SLC24A3: variants seen among roughly 807,000 people sequenced by gnomAD.
SLC24A3 encodes the protein solute carrier family 24 member 3, also known as sodium/potassium/calcium exchanger 3.
SLC24A3 carries 28 observed loss-of-function variants against 75.8 expected under a neutral mutation model. That is an observed-to-expected ratio of 0.37 (90% CI 0.27 to 0.51). The LOEUF (loss-of-function observed/expected upper bound fraction) is 0.51, where lower values mean the gene tolerates loss of function less well. Among genes scored for constraint, SLC24A3 ranks in the 20% least tolerant of loss-of-function variants. The pLI is 0.94. For synonymous variants in SLC24A3, 372 were observed against 334.1 expected (o/e 1.11, Z -1.24); for missense variants, 663 against 847.8 (o/e 0.78, Z 2.71).
At chr20:19,400,390 G>T (rs889654348) in intron 2 of SLC24A3, among the ~76,000 whole-genome samples, 1 of 152,138 alleles carries the variant, frequency 6.6e-6, no homozygotes, top group Non-Finnish European at 1.5e-5. Context: ...CACTTCTGAG[G>T]CAAGACCTTC....
At chr20:19,294,519 G>A (rs961843738) in intron 2 of SLC24A3, among the ~76,000 whole-genome samples, 3 of 152,112 alleles carry the variant, frequency 2.0e-5, no homozygotes, top group Non-Finnish European at 4.4e-5. Context: ...ACTTACATGT[G>A]GGAACATGCA....
At chr20:19,242,495 T>C (rs1982359100) in intron 1 of SLC24A3, 1 of 152,214 alleles carries the variant, frequency 6.6e-6, no homozygotes, top group African/African-American at 2.4e-5. Context: ...TTGCATCTGA[T>C]GTTTTCCACA....
intron 2 of SLC24A3, among the ~76,000 whole-genome samples, chr20:19,501,802 C>T (rs1340000977): frequency 2.6e-5 from 4 of 152,090 alleles, no homozygotes; most frequent in Admixed American, 1.3e-4. Flanking sequence ...GGTTTATCCA[C>T]GTAAGTTGAC....
rs1279410542 is a variant in SLC24A3 at position 19,563,522 on chromosome 20, GT to G, written c.349-16474del. Among the ~76,000 whole-genome samples, 3 of 152,264 alleles carry G rather than the reference GT, an allele frequency of 2.0e-5. No homozygotes were observed. In the South Asian group the frequency reaches 6.2e-4, roughly 32 times the overall value. ...ACACTTTTTTATTAATAGAAGATTA[GT>G]TTTCTCCTCCCTCCTCCACAGAATA... On this transcript the variant is annotated intron_variant, in intron 3 of 16. Transcript: ENST00000328041.
At chr20:19,457,813 A>T (rs1184519551) in intron 2 of SLC24A3, among the ~76,000 whole-genome samples, 1 of 152,200 alleles carries the variant, frequency 6.6e-6, no homozygotes, top group Non-Finnish European at 1.5e-5. Flanking sequence ...AGAGCTGAGC[A>T]GTCCCCAGAG....
chr20:19,603,807 G>T (rs1024857416), intron 6 of SLC24A3, among the ~76,000 whole-genome samples: 1 of 152,136 alleles, frequency 6.6e-6, no homozygotes, highest in African/African-American at 2.4e-5. Context: ...GAGTTCCAGG[G>T]GTGACACCTG....
At chr20:19,315,792 G>A (rs984012076) in intron 2 of SLC24A3, among the ~76,000 whole-genome samples, 45 of 147,394 alleles carry the variant, frequency 3.1e-4, no homozygotes, top group African/African-American at 1.1e-3. Flanking sequence ...GTACATAAAC[G>A]TAGGTGCTCC....
chr20:19,582,918 G>A (rs955468577), intron 4 of SLC24A3, among the ~76,000 whole-genome samples: 11 of 152,150 alleles, frequency 7.2e-5, no homozygotes, highest in African/African-American at 2.7e-4. Context: ...GAGGGTGGGA[G>A]GCTTTGGGAC....
At chr20:19,634,801 CTA>C (rs1392298393) in intron 6 of SLC24A3, among the ~76,000 whole-genome samples, 1 of 152,080 alleles carries the variant, frequency 6.6e-6, no homozygotes. Context: ...TAGAAATGCT[CTA>C]TGTCTTGACT....
intron 2 of SLC24A3, among the ~76,000 whole-genome samples, chr20:19,478,923 G>A (rs1988005284): frequency 6.6e-6 from 1 of 152,220 alleles, no homozygotes; most frequent in Non-Finnish European, 1.5e-5. Context: ...CCAGTAGATG[G>A]TCTTGCTTGT....
intron 6 of SLC24A3, among the ~76,000 whole-genome samples, chr20:19,646,841 C>CTGTGTGTGTGTGTGTGTGTGTGTGTGTG (rs74180956): frequency 6.9e-6 from 1 of 144,584 alleles, no homozygotes; most frequent in African/African-American, 2.5e-5. Flanking sequence ...TTACAAAACT[C>CTGTGTGTGTGTGTGTGTGTGTGTGTGTG]TGTGTGTGTG....
chr20:19,467,435 A>G (rs1429686142), intron 2 of SLC24A3, among the ~76,000 whole-genome samples: 36 of 152,226 alleles, frequency 2.4e-4, no homozygotes, highest in Admixed American at 2.4e-3. Flanking sequence ...GTGTACAGTC[A>G]TCTAAATTAT....
intron 6 of SLC24A3, among the ~76,000 whole-genome samples, chr20:19,588,712 T>A (rs2031332729): frequency 6.6e-6 from 1 of 152,248 alleles, no homozygotes; most frequent in Admixed American, 6.5e-5. Context: ...GAGCTCTTGA[T>A]GCAACATACT....
At chr20:19,587,672 C>G (rs566053854) in intron 6 of SLC24A3, among the ~76,000 whole-genome samples, 1 of 152,200 alleles carries the variant, frequency 6.6e-6, no homozygotes, top group African/African-American at 2.4e-5. Flanking sequence ...GCTGGGGAAT[C>G]AGACGGGTCT....
chr20:19,666,377 G>T (rs772773663), intron 8 of SLC24A3, among the ~76,000 whole-genome samples: 13 of 151,966 alleles, frequency 8.6e-5, no homozygotes, highest in Non-Finnish European at 1.8e-4. Context: ...ATGGTGGTAG[G>T]CACCTGTAGT....
At chr20:19,624,359 T>C (rs1444336062) in intron 6 of SLC24A3, among the ~76,000 whole-genome samples, 8 of 152,162 alleles carry the variant, frequency 5.3e-5, no homozygotes, top group Non-Finnish European at 1.2e-4. Context: ...GGGAAGGAAA[T>C]GCACACATAG....
Position 19,585,531 on chromosome 20 carries a change from T to C in SLC24A3, c.599T>C (p.Leu200Pro). 1 of 1,614,052 alleles carries C rather than the reference T, an allele frequency of 6.2e-7. No individual in the cohort carries two copies. The highest frequency in any genetic ancestry group is 1.1e-5 in the South Asian group (1 of 91,066). ...NILCIIGVCGLFAGQVVALSS... is the reference protein window; with the variant it reads ...NILCIIGVCGPFAGQVVALSS... ...CTGTGCATCATTGGTGTCTGTGGGC[T>C]CTTTGCTGGGCAGGTAAGACTGGCG... Residue 200 changes from leucine (L) to proline (P), a missense_variant, in exon 6 of 17, where the codon CTC becomes CCC. This residue lies in a region of SLC24A3 where 510 missense variants were observed against 703.6 expected (regional missense o/e 0.72). Coordinates refer to ENST00000328041, the MANE Select transcript of SLC24A3 (RefSeq NM_020689.4).
chr20:19,693,492 C>T (rs1372880853), intron 13 of SLC24A3, 67 bp downstream of exon 13: 4 of 1,567,162 alleles, frequency 2.6e-6, no homozygotes, highest in African/African-American at 2.7e-5. Context: ...GAATAAGAGT[C>T]AGGGTTTCAG....
chr20:19,615,309 A>G (rs761369318), intron 6 of SLC24A3, among the ~76,000 whole-genome samples: 2 of 152,234 alleles, frequency 1.3e-5, no homozygotes, highest in African/African-American at 2.4e-5. Context: ...TTTAATCAAT[A>G]CCTATGTTAG....
Sources: allele counts gnomAD v4.1 joint callset (sites outside exome capture counted in the v4.1 genomes callset), GRCh38; gene constraint gnomAD v4.1.1; regional missense constraint gnomAD v4.1.1; transcripts MANE v1.5; gene names NCBI Gene and HGNC (gene_info 2026-07-23, HGNC 2026-07-21).